Variants in NRXN3 observed in about 807,000 individuals in gnomAD.
NRXN3 encodes the protein neurexin 3, also known as neurexin III.
NRXN3 carries 32 observed loss-of-function variants against 137.6 expected under a neutral mutation model. That is an observed-to-expected ratio of 0.23 (90% CI 0.18 to 0.31). The LOEUF (loss-of-function observed/expected upper bound fraction) is 0.31. Ranked by LOEUF, NRXN3 falls within the 10% of genes least tolerant of loss-of-function variation. The probability of loss-of-function intolerance (pLI) is 1.00; values close to 1 mark genes in which losing one functional copy is unlikely to be tolerated. For synonymous variants in NRXN3, 798 were observed against 784.5 expected (o/e 1.02, Z -0.29); for missense variants, 1,574 against 2,062.5 (o/e 0.76, Z 4.59).
chr14:79,420,157 G>T (rs1335720975), intron 15 of NRXN3, among the ~76,000 whole-genome samples: 1 of 152,154 alleles, frequency 6.6e-6, no homozygotes, highest in Non-Finnish European at 1.5e-5. Flanking sequence ...TCCAGTTCCT[G>T]TTCTAAGGAC....
At chr14:78,985,798 A>G (rs1264535527) in intron 14 of NRXN3, among the ~76,000 whole-genome samples, 1 of 152,188 alleles carries the variant, frequency 6.6e-6, no homozygotes, top group Non-Finnish European at 1.5e-5. Context: ...TATCCTTTGA[A>G]AGAAGCTGTC....
intron 15 of NRXN3, among the ~76,000 whole-genome samples, chr14:79,207,413 A>T (rs777865125): frequency 5.7e-4 from 87 of 152,334 alleles, no homozygotes; most frequent in Non-Finnish European, 1.0e-3. Context: ...ATAGTAAGAC[A>T]AAAGAGACTG....
intron 15 of NRXN3, among the ~76,000 whole-genome samples, chr14:79,443,900 A>G (rs2096010595): frequency 6.6e-6 from 1 of 152,212 alleles, no homozygotes; most frequent in African/African-American, 2.4e-5. Context: ...AGTGAAAAGG[A>G]TTAACATATA....
rs61411777 is a variant in NRXN3, at chr14:78,815,479, C to CT, written c.2275+5157dup. On this transcript the variant is annotated intron_variant, in intron 10 of 20. Transcript: ENST00000335750. The stretch of plus-strand genomic sequence containing the variant: ...ACTTGCTTGGATAATTTGTTTCTTT[C>CT]TTTTTTTTTTTTTTTTTTTTTTGCC... Among the ~76,000 whole-genome samples the CT allele has an allele frequency of 1.4e-3, 120 of 84,454 alleles. 5 individuals carry two copies. The South Asian group carries it at 0.033, about 23-fold the overall frequency. 55.4% of individuals were successfully genotyped at this position (84,454 alleles called of 152,430 possible).
rs545136502 is a variant in NRXN3, at chr14:78,217,847, G to C, written c.-703-24544G>C. On this transcript the variant is annotated intron_variant, in intron 1 of 20. Coordinates refer to ENST00000335750, the MANE Select transcript of NRXN3 (RefSeq NM_001330195.2). ...GGCTAAGTTTTGTATTTTTAGTGGA[G>C]ACAGGGTTTCACCATGTTGACCAGG... Among the ~76,000 whole-genome samples the C allele has an allele frequency of 9.2e-5, 14 of 152,216 alleles. No individual in the cohort carries two copies. The East Asian group carries it at 1.9e-3, about 21-fold the overall frequency.
At chr14:79,444,604 C>T (rs2096024712) in intron 15 of NRXN3, among the ~76,000 whole-genome samples, 1 of 152,156 alleles carries the variant, frequency 6.6e-6, no homozygotes. Context: ...ACCAGTAAAT[C>T]ACTTGAGGCC....
intron 19 of NRXN3, among the ~76,000 whole-genome samples, chr14:79,754,591 T>TAC (rs1329617663): frequency 1.4e-5 from 2 of 141,372 alleles, no homozygotes; most frequent in African/African-American, 5.2e-5. Flanking sequence ...CACACACACA[T>TAC]ATATATACAC....
chr14:78,219,585 C>T (rs961937596), intron 1 of NRXN3, among the ~76,000 whole-genome samples: 8 of 152,156 alleles, frequency 5.3e-5, no homozygotes, highest in Non-Finnish European at 1.0e-4. Flanking sequence ...CTTAATTTTC[C>T]CCACCTCTAA....
chr14:78,494,437 TG>T (rs2095733532), intron 4 of NRXN3, among the ~76,000 whole-genome samples: 2 of 151,190 alleles, frequency 1.3e-5, no homozygotes, highest in African/African-American at 2.4e-5. Context: ...TTTTTTTTTT[TG>T]TCTGATTTCC....
intron 16 of NRXN3, among the ~76,000 whole-genome samples, chr14:79,524,812 T>G (rs892167472): frequency 5.3e-5 from 8 of 152,206 alleles, no homozygotes; most frequent in Admixed American, 3.3e-4. Flanking sequence ...TTGTTCATTT[T>G]TATGCTTAGG....
chr14:79,189,329 T>C (rs929893037), intron 15 of NRXN3, among the ~76,000 whole-genome samples: 32 of 141,932 alleles, frequency 2.3e-4, no homozygotes, highest in African/African-American at 7.7e-4. Flanking sequence ...TAGGTGGTAA[T>C]TGAACAATGA....
chr14:78,224,954 G>C (rs2064342401), intron 1 of NRXN3, among the ~76,000 whole-genome samples: 1 of 121,954 alleles, frequency 8.2e-6, no homozygotes, highest in African/African-American at 3.2e-5. Context: ...TTTTAGTAGA[G>C]ACGGGGTTTC....
chr14:78,597,124 CAGGCCAGCATACTGCTGG>C (rs2097163617), intron 4 of NRXN3, among the ~76,000 whole-genome samples: 1 of 152,142 alleles, frequency 6.6e-6, no homozygotes, highest in Admixed American at 6.5e-5. Context: ...CCATCTGATC[CAGGCCAGCATACTGCTGG>C]AGAAGACTGT....
chr14:79,393,551 T>G (rs1006076401), intron 15 of NRXN3, among the ~76,000 whole-genome samples: 1 of 152,074 alleles, frequency 6.6e-6, no homozygotes, highest in Admixed American at 6.6e-5. Flanking sequence ...ACATATTGAT[T>G]AAAACAAAAG....
At chr14:79,583,821 G>A (rs985144532) in intron 16 of NRXN3, among the ~76,000 whole-genome samples, 1 of 152,144 alleles carries the variant, frequency 6.6e-6, no homozygotes, top group African/African-American at 2.4e-5. Flanking sequence ...CTCCACATAA[G>A]CTAAGGAATT....
chr14:78,630,223 C>A (rs1363533528), intron 4 of NRXN3, among the ~76,000 whole-genome samples: 1 of 152,188 alleles, frequency 6.6e-6, no homozygotes, highest in Non-Finnish European at 1.5e-5. Flanking sequence ...TGACTGACAA[C>A]TCAAAACGAA....
At chr14:78,288,456 T>C (rs541466954) in intron 3 of NRXN3, among the ~76,000 whole-genome samples, 344 of 152,350 alleles carry the variant, frequency 2.3e-3, no homozygotes, top group Admixed American at 3.9e-3. Flanking sequence ...CCTGGACTTG[T>C]GCAGTTGGTT....
At chr14:79,834,763 A>G (rs1056420806) in intron 20 of NRXN3, among the ~76,000 whole-genome samples, 1 of 152,128 alleles carries the variant, frequency 6.6e-6, no homozygotes, top group African/African-American at 2.4e-5. Context: ...AGATTCAGAC[A>G]TCTTCATCTT....
intron 15 of NRXN3, among the ~76,000 whole-genome samples, chr14:79,255,743 G>A (rs1307902849): frequency 6.6e-6 from 1 of 152,200 alleles, no homozygotes; most frequent in Admixed American, 6.5e-5. Context: ...AAGACTGGTG[G>A]CTGAAGGCCA....
Sources: gnomAD v4.1 joint callset for allele counts (sites outside exome capture counted in the v4.1 genomes callset) on GRCh38, gnomAD v4.1.1 for gene constraint, MANE v1.5 for transcripts, NCBI Gene and HGNC (gene_info 2026-07-23, HGNC 2026-07-21) for gene names.